The following MLYCD variants were observed in gnomAD, a reference collection of about 807,000 sequenced individuals.
MLYCD encodes the protein malonyl-CoA decarboxylase, mitochondrial.
In MLYCD, 27 loss-of-function variants were observed where a neutral mutation model predicts 35.8. That is an observed-to-expected ratio of 0.75 (90% CI 0.56 to 1.04). MLYCD has a LOEUF of 1.04. Among genes scored for constraint, MLYCD ranks in the 50% least tolerant of loss-of-function variants. The pLI is 0.00. For missense variants in MLYCD, 917 were observed against 665.1 expected (o/e 1.38, Z -4.17); for synonymous variants, 403 against 302.4 (o/e 1.33, Z -3.45).
chr16:83,911,879 G>A, intron 3 of MLYCD: 3 of 352,562 alleles, frequency 8.5e-6, no homozygotes, highest in South Asian at 7.2e-5. Context: ...TTATCGCTGA[G>A]TGTTGGCCGG....
intron 2 of MLYCD, 57 bp downstream of exon 2, chr16:83,907,156 A>G (rs1390833839): frequency 2.9e-6 from 4 of 1,403,196 alleles, no homozygotes; most frequent in East Asian, 2.3e-5. Flanking sequence ...ATATTTGTGT[A>G]TGTTTTATAT....
At chr16:83,906,283 T>TG in intron 1 of MLYCD, among the ~76,000 whole-genome samples, 1 of 151,970 alleles carries the variant, frequency 6.6e-6, no homozygotes, top group Admixed American at 6.6e-5. Flanking sequence ...CCCAGCTACT[T>TG]GGGGGGCTGA....
In MLYCD at chr16:83,916,054, GTTAAA is replaced by G; in HGVS notation, c.*568_*572del. ...ATTTTGCACAAGGTGTGTGTAGTAAGTTAAATTGTTGAACACAAAAATGTTGCTGC... is the reference window on the plus strand; with the variant it reads ...ATTTTGCACAAGGTGTGTGTAGTAAGTTGTTGAACACAAAAATGTTGCTGC... On this transcript the variant is annotated 3_prime_UTR_variant, in exon 5 of 5. Transcript: ENST00000262430. 1.0e-6 allele frequency: 1 copy of G among 998,940 alleles called. No homozygotes were observed. The highest frequency in any genetic ancestry group is 1.2e-6 in the Non-Finnish European group (1 of 836,628). The allele number at this position is 998,940 out of a possible 1,614,324, so 61.9% of individuals were successfully genotyped here.
rs1445194866 is a variant in MLYCD, at chr16:83,915,191, A to C, written c.1184A>C (p.Gln395Pro). Residue 395 changes from glutamine (Q) to proline (P), a missense_variant, in exon 5 of 5, where the codon CAG becomes CCG. Coordinates refer to ENST00000262430, the MANE Select transcript of MLYCD (RefSeq NM_012213.3). ...VQSEKLVRALQTPLMRLCAWY... is the reference protein window; with the variant it reads ...VQSEKLVRALPTPLMRLCAWY... Reference sequence around the variant, plus strand: ...TCGGAGAAGCTGGTGCGGGCGCTGCAGACTCCGCTGATGAGGCTGTGCGCC... The same window carrying C: ...TCGGAGAAGCTGGTGCGGGCGCTGCCGACTCCGCTGATGAGGCTGTGCGCC... The C allele has an allele frequency of 1.9e-6, 3 of 1,613,992 alleles. No individual in the cohort carries two copies. The highest frequency in any genetic ancestry group is 2.5e-6 in the Non-Finnish European group (3 of 1,179,940).
rs1597298191 is a variant in MLYCD at position 83,918,517 on chromosome 16, CAGAGTGCACAGGAGAACACAT to C, written c.*3029_*3049del. The stretch of plus-strand genomic sequence containing the variant: ...AACACGCACAGTGCACAGGAGAACA[CAGAGTGCACAGGAGAACACAT>C]GGTGCACAGGAGAACACGCACACAC... On this transcript the variant is annotated 3_prime_UTR_variant, in exon 5 of 5. Transcript: ENST00000262430. The C allele has an allele frequency of 6.5e-5, 9 of 137,418 alleles. No homozygotes were observed. The highest frequency in any genetic ancestry group is 2.3e-4 in the East Asian group (1 of 4,270). The allele number at this position is 137,418 out of a possible 1,614,324, so 8.5% of individuals were successfully genotyped here.
chr16:83,902,434 G>A (rs1023656907), intron 1 of MLYCD, among the ~76,000 whole-genome samples: 12 of 151,000 alleles, frequency 7.9e-5, no homozygotes, highest in African/African-American at 1.7e-4. Flanking sequence ...ACTATCAACT[G>A]GGATCTGATA....
chr16:83,915,731 C>T lies in MLYCD; in HGVS notation c.*242C>T. ...ACAAATGAGTGGGTTGCTGTGCTGT[C>T]TCCGGAAGATTCTGTCGTTGCCCTT... On this transcript the variant is annotated 3_prime_UTR_variant, in exon 5 of 5. Coordinates refer to ENST00000262430, the MANE Select transcript of MLYCD (RefSeq NM_012213.3). The T allele has an allele frequency of 7.2e-7, 1 of 1,396,662 alleles. No individual in the cohort carries two copies. The highest frequency in any genetic ancestry group is 9.3e-7 in the Non-Finnish European group (1 of 1,073,024). The allele number at this position is 1,396,662 out of a possible 1,614,324, so 86.5% of individuals were successfully genotyped here. A position where few individuals can be genotyped will look rare whatever the true frequency, so the allele number is the denominator to read the frequency against.
chr16:83,899,772 G>T, intron 1 of MLYCD, 100 bp downstream of exon 1: 2 of 1,340,452 alleles, frequency 1.5e-6, no homozygotes, highest in South Asian at 3.0e-5. Flanking sequence ...CGCCTTCCCT[G>T]CCCGATAGCA....
rs1285663251 is a variant in MLYCD, at chr16:83,924,027, C to G, written c.*8538C>G. On this transcript the variant is annotated 3_prime_UTR_variant, in exon 5 of 5. Coordinates refer to ENST00000262430, the MANE Select transcript of MLYCD (RefSeq NM_012213.3). The stretch of plus-strand genomic sequence containing the variant: ...CAAACCCGGGCATGCACAGTGCTGG[C>G]CGTATCGGTCCGAGCCCTCGGCTGC... The G allele has an allele frequency of 6.6e-6, 1 of 152,194 alleles. No homozygotes were observed. The highest frequency in any genetic ancestry group is 1.5e-5 in the Non-Finnish European group (1 of 68,074). 9.4% of individuals were successfully genotyped at this position (152,194 alleles called of 1,614,324 possible).
At position 83,923,425 on chromosome 16, in the gene MLYCD, T is replaced by C. The variant is rs377511862; in HGVS notation, c.*7936T>C. 12 of 152,246 alleles carry C rather than the reference T, an allele frequency of 7.9e-5. No individual in the cohort carries two copies. The highest frequency in any genetic ancestry group is 2.9e-4 in the African/African-American group (12 of 41,472). 9.4% of individuals were successfully genotyped at this position (152,246 alleles called of 1,614,324 possible). On this transcript the variant is annotated 3_prime_UTR_variant, in exon 5 of 5. Coordinates refer to ENST00000262430, the MANE Select transcript of MLYCD (RefSeq NM_012213.3). Reference sequence around the variant, plus strand: ...CAGAAAGTCTGCCTCATTTGCAGTTTAGCGGACTCACAGAGGTGACCCTAG... The same window carrying C: ...CAGAAAGTCTGCCTCATTTGCAGTTCAGCGGACTCACAGAGGTGACCCTAG...
intron 4 of MLYCD, chr16:83,913,182 C>T (rs538631964): frequency 2.2e-4 from 33 of 152,402 alleles, no homozygotes; most frequent in African/African-American, 5.8e-4. Context: ...CTAGTAAATT[C>T]ATAATCAATT....
In MLYCD at chr16:83,915,727, C is replaced by G; in HGVS notation, c.*238C>G. On this transcript the variant is annotated 3_prime_UTR_variant, in exon 5 of 5. Coordinates refer to ENST00000262430, the MANE Select transcript of MLYCD (RefSeq NM_012213.3). The stretch of plus-strand genomic sequence containing the variant: ...GCACACAAATGAGTGGGTTGCTGTG[C>G]TGTCTCCGGAAGATTCTGTCGTTGC... The G allele has an allele frequency of 1.4e-6, 2 of 1,407,936 alleles. No individual in the cohort carries two copies. The highest frequency in any genetic ancestry group is 2.9e-5 in the South Asian group (2 of 68,816). The allele number at this position is 1,407,936 out of a possible 1,614,324, so 87.2% of individuals were successfully genotyped here.
At chr16:83,913,206 C>T (rs1159248088) in intron 4 of MLYCD, 2 of 152,254 alleles carry the variant, frequency 1.3e-5, no homozygotes, top group African/African-American at 4.8e-5. Context: ...AATTGAAGCC[C>T]TCAGGATTCA....
At chr16:83,909,770 G>A (rs952453949) in intron 3 of MLYCD, among the ~76,000 whole-genome samples, 8 of 151,402 alleles carry the variant, frequency 5.3e-5, no homozygotes, top group Non-Finnish European at 1.0e-4. Flanking sequence ...TTACAGGCAT[G>A]TGCCACCATG....
chr16:83,903,952 C>T (rs1285394515), intron 1 of MLYCD, among the ~76,000 whole-genome samples: 2 of 152,256 alleles, frequency 1.3e-5, no homozygotes, highest in African/African-American at 2.4e-5. Context: ...GCAACGTTGC[C>T]GCGTGCTGTG....
intron 2 of MLYCD, 117 bp from the exon 3 acceptor site, chr16:83,908,009 C>G (rs1243111729): frequency 1.5e-6 from 2 of 1,302,528 alleles, no homozygotes; most frequent in African/African-American, 3.0e-5. Context: ...CCAGAAGAGT[C>G]CATTAAAGCT....
At chr16:83,912,510 G>C (rs1907217179) in intron 4 of MLYCD, 143 bp downstream of exon 4, 8 of 1,161,832 alleles carry the variant, frequency 6.9e-6, no homozygotes, top group East Asian at 2.6e-5. Flanking sequence ...AGGTGCCAGA[G>C]ACCCCTTGGC....
intron 1 of MLYCD, among the ~76,000 whole-genome samples, chr16:83,902,621 T>C (rs894035852): frequency 1.3e-5 from 2 of 148,726 alleles, no homozygotes; most frequent in African/African-American, 4.9e-5. Flanking sequence ...TTCTCCCACC[T>C]CAGCCTCCTG....
intron 3 of MLYCD, 188 bp from the exon 4 acceptor site, chr16:83,912,030 C>T (rs1907196780): frequency 1.3e-6 from 1 of 759,700 alleles, no homozygotes; most frequent in Non-Finnish European, 2.2e-6. Flanking sequence ...GGTGGAGTCG[C>T]CTCCTCCAGA....
Sources: allele counts gnomAD v4.1 joint callset (sites outside exome capture counted in the v4.1 genomes callset), GRCh38; gene constraint gnomAD v4.1.1; transcripts MANE v1.5; gene names NCBI Gene and HGNC (gene_info 2026-07-23, HGNC 2026-07-21).